SNTB1: variants seen among roughly 807,000 people sequenced by gnomAD.
SNTB1 encodes the protein syntrophin beta 1.
In SNTB1, 36 loss-of-function variants were observed where a neutral mutation model predicts 48.9. The ratio of observed to expected loss-of-function variants is 0.74; its 90% CI spans 0.56 to 0.97. The LOEUF is 0.97. SNTB1 is among the 50% of genes least tolerant of loss of function. SNTB1 has a pLI of 0.00. For synonymous variants in SNTB1, 299 were observed against 294.6 expected, an observed-to-expected ratio of 1.01 and a Z score of -0.15; for missense variants, 786 against 703.4, an observed-to-expected ratio of 1.12 and a Z score of -1.33.
In SNTB1 at chr8:120,606,732, A is replaced by G. The variant is rs1267415571; in HGVS notation, c.996+25712T>C. On this transcript the variant is annotated intron_variant, in intron 3 of 6. Coordinates refer to ENST00000517992, the MANE Select transcript of SNTB1 (RefSeq NM_021021.4). ...GGTGAGAATTCAAACATGACCATGT[A>G]GAGAAAAGTGCTTTTAAATTCTAAA... Among the ~76,000 whole-genome samples, 4 of 152,240 alleles carry G rather than the reference A, an allele frequency of 2.6e-5. No individual in the cohort carries two copies. The East Asian group carries it at 5.8e-4, about 22-fold the overall frequency.
rs374988613 is a variant in SNTB1, at chr8:120,649,441, G to C, written c.789-16790C>G. 2.1e-3 allele frequency among the ~76,000 whole-genome samples: 295 copies of C among 139,852 alleles called. 1 individual carries two copies. The East Asian group carries it at 0.027, about 13-fold the overall frequency. 91.7% of individuals were successfully genotyped at this position (139,852 alleles called of 152,430 possible). On this transcript the variant is annotated intron_variant, in intron 2 of 6. Transcript: ENST00000517992. Reference sequence around the variant, plus strand: ...GTACCCTGCCGTGTGAGGTGTCAGTGTGCCCCTGCTGGGGGGTGCCTCCCA... The same window carrying C: ...GTACCCTGCCGTGTGAGGTGTCAGTCTGCCCCTGCTGGGGGGTGCCTCCCA...
intron 2 of SNTB1, among the ~76,000 whole-genome samples, chr8:120,683,975 T>A (rs1317893068): frequency 6.6e-6 from 1 of 152,210 alleles, no homozygotes; most frequent in East Asian, 1.9e-4. Flanking sequence ...TTAGGTAATG[T>A]CTTAGTCTGC....
rs574293752 is a variant in SNTB1 at position 120,551,899 on chromosome 8, T to G, written c.1137-2941A>C. 7.9e-5 allele frequency among the ~76,000 whole-genome samples: 12 copies of G among 152,286 alleles called. No individual in the cohort carries two copies. In the South Asian group the frequency reaches 2.5e-3, roughly 32 times the overall value. On this transcript the variant is annotated intron_variant, in intron 4 of 6. Transcript: ENST00000517992. ...CCCATAGGATTAGGATTAAATATAG[T>G]AAAATATACAGAGCACTTTGTTCAG... is the stretch of plus-strand genomic sequence containing the variant.
intron 3 of SNTB1, among the ~76,000 whole-genome samples, chr8:120,615,179 G>T (rs1816693310): frequency 6.6e-6 from 1 of 151,906 alleles, no homozygotes; most frequent in Non-Finnish European, 1.5e-5. Context: ...AAAACAAAAA[G>T]ATGCTAGTGC....
chr8:120,709,070 GA>G (rs1563857569), intron 1 of SNTB1, among the ~76,000 whole-genome samples: 1 of 151,842 alleles, frequency 6.6e-6, no homozygotes, highest in Non-Finnish European at 1.5e-5. Context: ...GTGAGAGAGT[GA>G]AAAAATGGAA....
chr8:120,650,148 G>A (rs958789455), intron 2 of SNTB1, among the ~76,000 whole-genome samples: 2 of 152,358 alleles, frequency 1.3e-5, no homozygotes, highest in Non-Finnish European at 2.9e-5. Context: ...CACGCTGGGA[G>A]CTGTAGACCG....
At chr8:120,657,799 C>G (rs1192775557) in intron 2 of SNTB1, among the ~76,000 whole-genome samples, 1 of 152,158 alleles carries the variant, frequency 6.6e-6, no homozygotes, top group Non-Finnish European at 1.5e-5. Flanking sequence ...GCCAGACATG[C>G]CAGGAGCCAT....
intron 1 of SNTB1, among the ~76,000 whole-genome samples, chr8:120,751,707 C>T (rs61670592): frequency 0.13 from 19,764 of 152,076 alleles, 1,671 homozygotes; most frequent in African/African-American, 0.23. Flanking sequence ...TATATCTTCT[C>T]GAGTCACCTA....
chr8:120,579,699 C>T (rs749827932), intron 3 of SNTB1, among the ~76,000 whole-genome samples: 29 of 96,950 alleles, frequency 3.0e-4, no homozygotes, highest in Non-Finnish European at 4.7e-4. Flanking sequence ...AGAAAACAAA[C>T]AAACAAACAA....
intron 2 of SNTB1, among the ~76,000 whole-genome samples, chr8:120,650,851 T>C (rs2129714883): frequency 6.6e-6 from 1 of 152,334 alleles, no homozygotes; most frequent in East Asian, 1.9e-4. Flanking sequence ...ATTGAAAAGA[T>C]GCATGCTGGA....
At chr8:120,710,245 G>T (rs78410849) in intron 1 of SNTB1, among the ~76,000 whole-genome samples, 1 of 152,180 alleles carries the variant, frequency 6.6e-6, no homozygotes, top group African/African-American at 2.4e-5. Flanking sequence ...GAAGAAGGGG[G>T]CGGAGGTTGT....
rs562016751 is a variant in SNTB1 at position 120,559,187 on chromosome 8, A to G, written c.1137-10229T>C. On this transcript the variant is annotated intron_variant, in intron 4 of 6. Transcript: ENST00000517992. ...GATCTTGAAAGGTAGCTGAGATTAG[A>G]TGTTTTATGAGAACAGCCTAACATC... Among the ~76,000 whole-genome samples the G allele has an allele frequency of 4.6e-5, 7 of 152,332 alleles. 1 individual carries two copies. The South Asian group carries it at 8.3e-4, about 18-fold the overall frequency.
intron 3 of SNTB1, among the ~76,000 whole-genome samples, chr8:120,602,683 T>G (rs1816440152): frequency 6.6e-6 from 1 of 152,186 alleles, no homozygotes; most frequent in African/African-American, 2.4e-5. Flanking sequence ...ATTGCTCCTG[T>G]TTCTCTGGAG....
intron 2 of SNTB1, among the ~76,000 whole-genome samples, chr8:120,677,873 G>A (rs941098276): frequency 3.9e-5 from 6 of 152,126 alleles, no homozygotes; most frequent in South Asian, 2.1e-4. Flanking sequence ...GCTGCACAAC[G>A]GATTTGGTAA....
chr8:120,672,703 C>T (rs1487041745), intron 2 of SNTB1, among the ~76,000 whole-genome samples: 1 of 152,172 alleles, frequency 6.6e-6, no homozygotes, highest in Non-Finnish European at 1.5e-5. Flanking sequence ...GCCATTCAAT[C>T]CATTCAGTGT....
At chr8:120,772,574 G>T (rs1819656859) in intron 1 of SNTB1, among the ~76,000 whole-genome samples, 1 of 152,144 alleles carries the variant, frequency 6.6e-6, no homozygotes, top group Non-Finnish European at 1.5e-5. Context: ...ATGTGTGTGT[G>T]TTTGTGTATG....
intron 1 of SNTB1, among the ~76,000 whole-genome samples, chr8:120,791,826 A>G (rs1184942468): frequency 2.6e-5 from 4 of 151,992 alleles, no homozygotes; most frequent in Non-Finnish European, 4.4e-5. Flanking sequence ...TGTGGATGTC[A>G]TGAAAATGGA....
intron 5 of SNTB1, among the ~76,000 whole-genome samples, chr8:120,544,782 A>T (rs7840116): frequency 4.8e-5 from 7 of 145,862 alleles, no homozygotes; most frequent in South Asian, 4.4e-4. Flanking sequence ...CAACTCTCAA[A>T]TTCAAAACTT....
intron 1 of SNTB1, among the ~76,000 whole-genome samples, chr8:120,711,481 T>C (rs1211373999): frequency 1.3e-5 from 2 of 152,166 alleles, no homozygotes; most frequent in Non-Finnish European, 2.9e-5. Flanking sequence ...TTATTATCCA[T>C]TGTCCTGGGC....
Sources: allele counts gnomAD v4.1 joint callset (sites outside exome capture counted in the v4.1 genomes callset), GRCh38; gene constraint gnomAD v4.1.1; transcripts MANE v1.5; gene names NCBI Gene and HGNC (gene_info 2026-07-23, HGNC 2026-07-21).